TPM3: variants seen among roughly 807,000 people sequenced by gnomAD.
TPM3 encodes tropomyosin 3, also known as tropomyosin alpha-3 chain.
Under a neutral mutation model 43.1 loss-of-function variants are expected in TPM3, and 16 were observed. The observed-to-expected ratio is 0.37, with a 90% CI of 0.25 to 0.56. The LOEUF is 0.56. TPM3 is among the 20% of genes least tolerant of loss of function. The probability of loss-of-function intolerance (pLI) is 0.77; values close to 1 mark genes in which losing one functional copy is unlikely to be tolerated. For synonymous variants in TPM3, 101 were observed against 116.9 expected (o/e 0.86, Z 0.88); for missense variants, 176 against 337.2 (o/e 0.52, Z 3.74).
At chr1:154,177,853 C>A (rs895952017) in intron 2 of TPM3, among the ~76,000 whole-genome samples, 15 of 152,178 alleles carry the variant, frequency 9.9e-5, no homozygotes, top group Non-Finnish European at 1.6e-4. Flanking sequence ...AAGCAGAGGG[C>A]TGGGGCTACA....
chr1:154,180,799 C>T (rs1662859031), intron 2 of TPM3, among the ~76,000 whole-genome samples: 1 of 151,926 alleles, frequency 6.6e-6, no homozygotes, highest in African/African-American at 2.4e-5. Context: ...GTGGTGGATG[C>T]CTGTAATCCC....
downstream of TPM3, among the ~76,000 whole-genome samples, chr1:154,161,149 A>AAAAAAAAAAAAAAC: frequency 6.6e-6 from 1 of 151,012 alleles, no homozygotes; most frequent in Non-Finnish European, 1.5e-5. Flanking sequence ...AAAAAAAAAA[A>AAAAAAAAAAAAAAC]AAAAAGCAAA....
chr1:154,177,065 C>T (rs1258288866), intron 2 of TPM3, among the ~76,000 whole-genome samples: 1 of 151,992 alleles, frequency 6.6e-6, no homozygotes, highest in Non-Finnish European at 1.5e-5. Flanking sequence ...TCACTTTACC[C>T]TAACACATCA....
Position 154,166,766 on chromosome 1 carries a change from C to T in TPM3, c.*1171G>A. ...GCGCGATCTCCGCTCACTGCAACCT[C>T]CGCCTCCCAGGTGCAAGCGATTCTC... On this transcript the variant is annotated 3_prime_UTR_variant, in exon 10 of 10. Transcript: ENST00000651641. 1 of 883,062 alleles carries T rather than the reference C, an allele frequency of 1.1e-6. No homozygotes were observed. Among genetic ancestry groups the T allele is most frequent in the Non-Finnish European group, 1.4e-6 (1 of 737,350 alleles). 54.7% of individuals were successfully genotyped at this position (883,062 alleles called of 1,614,324 possible).
downstream of TPM3, chr1:154,155,776 A>G (rs1326201269): frequency 4.5e-6 from 1 of 224,458 alleles, no homozygotes; most frequent in African/African-American, 2.2e-5. Flanking sequence ...AAGGATTGAT[A>G]TGGTTGTGAA....
At chr1:154,191,509 A>G (rs540585988) in intron 1 of TPM3, 198 bp from the exon 2 acceptor site, 62 of 1,289,850 alleles carry the variant, frequency 4.8e-5, no homozygotes, top group South Asian at 4.3e-4. Flanking sequence ...CTCTGATCCT[A>G]AGATGACCAA....
At chr1:154,175,545 A>G (rs1008944060) in intron 3 of TPM3, among the ~76,000 whole-genome samples, 1 of 152,110 alleles carries the variant, frequency 6.6e-6, no homozygotes, top group African/African-American at 2.4e-5. Flanking sequence ...CCCACATCCA[A>G]AGTTTCTGAT....
intron 2 of TPM3, among the ~76,000 whole-genome samples, chr1:154,177,392 A>T (rs770989278): frequency 1.3e-5 from 2 of 152,038 alleles, no homozygotes; most frequent in East Asian, 1.9e-4. Flanking sequence ...TCCATCTCAC[A>T]ATGAAGTATA....
At chr1:154,155,462 T>C (rs961711756), downstream of TPM3, 4 of 243,276 alleles carry the variant, frequency 1.6e-5, no homozygotes, top group African/African-American at 8.8e-5. Flanking sequence ...GTGCAGTCTC[T>C]GGGATAAACA....
At chr1:154,160,965 A>T (rs1236713805), downstream of TPM3, among the ~76,000 whole-genome samples, 1 of 151,972 alleles carries the variant, frequency 6.6e-6, no homozygotes, top group African/African-American at 2.4e-5. Flanking sequence ...GTGACTATTC[A>T]TAGGCCTAAT....
In TPM3 at chr1:154,176,165, A is replaced by C. The variant is rs764255899; in HGVS notation, c.327T>G (p.Thr109=). Residue 109 remains threonine, a synonymous_variant, in exon 3 of 10, where the codon ACT becomes ACG. Transcript: ENST00000651641. The stretch of plus-strand genomic sequence containing the variant: ...CAGCTTCTTCCAGCTTTTGCAGGGC[A>C]GTGGCCAGGCGCTCCTGAGCACGGT... ...ELDRAQERLA[T]ALQKLEEAEK... The C allele has an allele frequency of 4.5e-5, 72 of 1,614,100 alleles. No individual in the cohort carries two copies. In the Admixed American group the frequency reaches 1.1e-3, roughly 26 times the overall value.
At position 154,191,195 on chromosome 1, in the gene TPM3, C is replaced by G. The variant is rs888396890; in HGVS notation, c.234G>C (p.Lys78Asn). 6.2e-7 allele frequency: 1 copy of G among 1,614,134 alleles called. No homozygotes were observed. Among genetic ancestry groups the G allele is most frequent in the Non-Finnish European group, 8.5e-7 (1 of 1,180,014 alleles). Residue 78 changes from lysine (K) to asparagine (N), a missense_variant, in exon 2 of 10, where the codon AAG (lysine) becomes AAC (asparagine). Transcript: ENST00000651641. ...AQEKLELAEK[K>N]AADAEAEVAS... Reference sequence around the variant, plus strand: ...TCTCTCTAATACTCACATCAGCAGCCTTCTTCTCTGCCAGTTCCAGCTTCT... The same window carrying G: ...TCTCTCTAATACTCACATCAGCAGCGTTCTTCTCTGCCAGTTCCAGCTTCT...
At chr1:154,183,398 G>A (rs1663207523) in intron 2 of TPM3, 1 of 1,141,254 alleles carries the variant, frequency 8.8e-7, no homozygotes, top group Non-Finnish European at 1.2e-6. Context: ...GGGTTGGGAC[G>A]AGGGAGTGTT....
rs1661483899 is a variant in TPM3, at chr1:154,170,767, C to T, written c.643-56G>A. 8 of 1,134,806 alleles carry T rather than the reference C, an allele frequency of 7.0e-6. 1 individual carries two copies. The South Asian group carries it at 9.8e-5, about 14-fold the overall frequency. The allele number at this position is 1,134,806 out of a possible 1,614,324, so 70.3% of individuals were successfully genotyped here. On this transcript the variant is annotated intron_variant, in intron 6 of 9. Coordinates refer to ENST00000651641, the MANE Select transcript of TPM3 (RefSeq NM_152263.4). ...GTAGAAATTAGTCACACAGGCAATACCCCCCTCCCTACATTTAACTTACAT... is the reference window on the plus strand; with the variant it reads ...GTAGAAATTAGTCACACAGGCAATATCCCCCTCCCTACATTTAACTTACAT...
At position 154,162,184 on chromosome 1, in the gene TPM3, T is replaced by C. The variant is rs1378636683; in HGVS notation, c.*5753A>G. ...AGGAGTTTGAGATCAGCCTAACATG[T>C]TGAAACCTAGTCTCTACTAAAAACA... On this transcript the variant is annotated 3_prime_UTR_variant, in exon 10 of 10. Coordinates refer to ENST00000651641, the MANE Select transcript of TPM3 (RefSeq NM_152263.4). Among the ~76,000 whole-genome samples, 2 of 151,802 alleles carry C rather than the reference T, an allele frequency of 1.3e-5. No homozygotes were observed. The highest frequency in any genetic ancestry group is 2.9e-5 in the Non-Finnish European group (2 of 67,934).
At chr1:154,177,494 T>C (rs932353630) in intron 2 of TPM3, among the ~76,000 whole-genome samples, 6 of 152,154 alleles carry the variant, frequency 3.9e-5, no homozygotes, top group Non-Finnish European at 5.9e-5. Context: ...GGATAAATTC[T>C]AATGGTAGGA....
intron 5 of TPM3, 101 bp from the exon 6 acceptor site, chr1:154,171,589 A>T (rs1661582080): frequency 3.1e-6 from 4 of 1,278,736 alleles, no homozygotes; most frequent in African/African-American, 1.5e-5. Context: ...ATATGTAGAG[A>T]GAGTTGGAAG....
intron 2 of TPM3, among the ~76,000 whole-genome samples, chr1:154,189,181 A>T (rs1319150757): frequency 8.3e-6 from 1 of 120,112 alleles, no homozygotes; most frequent in Non-Finnish European, 1.7e-5. Context: ...AAAAAAAAAA[A>T]GCCCAGGCGC....
At chr1:154,161,727 G>A (rs751521305), downstream of TPM3, among the ~76,000 whole-genome samples, 4 of 152,024 alleles carry the variant, frequency 2.6e-5, no homozygotes, top group Non-Finnish European at 4.4e-5. Context: ...ATGAGCCACC[G>A]CACCCAGCCG....
Sources: gnomAD v4.1 joint callset for allele counts (sites outside exome capture counted in the v4.1 genomes callset) on GRCh38, gnomAD v4.1.1 for gene constraint, MANE v1.5 for transcripts, NCBI Gene and HGNC (gene_info 2026-07-23, HGNC 2026-07-21) for gene names.